Variants in LUZP2 observed in about 807,000 individuals in gnomAD.
The protein encoded by LUZP2 is leucine zipper protein 2.
In LUZP2, 52 loss-of-function variants were observed where a neutral mutation model predicts 51.6. The ratio of observed to expected loss-of-function variants is 1.01; its 90% CI spans 0.81 to 1.27. The LOEUF (loss-of-function observed/expected upper bound fraction) is 1.27. LUZP2 is among the 50% of genes most tolerant of loss of function. LUZP2 has a pLI of 0.00. For missense variants in LUZP2, 436 were observed against 395.4 expected, an observed-to-expected ratio of 1.10 and a Z score of -0.87; for synonymous variants, 154 against 137.3, an observed-to-expected ratio of 1.12 and a Z score of -0.85.
intron 1 of LUZP2, among the ~76,000 whole-genome samples, chr11:24,511,383 C>A (rs1029674741): frequency 6.6e-6 from 1 of 151,260 alleles, no homozygotes; most frequent in African/African-American, 2.4e-5. Flanking sequence ...TGGTGTCTGT[C>A]GCTACAATTT....
intron 1 of LUZP2, among the ~76,000 whole-genome samples, chr11:24,597,445 G>C (rs776078842): frequency 6.6e-6 from 1 of 152,126 alleles, no homozygotes; most frequent in African/African-American, 2.4e-5. Context: ...ACATTCAAAG[G>C]TTCAGTGTTT....
chr11:24,708,609 G>A (rs927235815), intron 1 of LUZP2, among the ~76,000 whole-genome samples: 2 of 152,042 alleles, frequency 1.3e-5, no homozygotes, highest in Non-Finnish European at 2.9e-5. Flanking sequence ...CTTCTTGTAG[G>A]CCTATAAGAA....
At chr11:25,002,422 G>A (rs1590822349) in intron 9 of LUZP2, among the ~76,000 whole-genome samples, 1 of 152,194 alleles carries the variant, frequency 6.6e-6, no homozygotes, top group South Asian at 2.1e-4. Flanking sequence ...TGGCAGGGTT[G>A]AGGGCCATTG....
chr11:24,725,326 T>C (rs1289271975), intron 1 of LUZP2, among the ~76,000 whole-genome samples: 1 of 152,076 alleles, frequency 6.6e-6, no homozygotes, highest in African/African-American at 2.4e-5. Context: ...CATATTAAAA[T>C]CAGCAGGGGA....
intron 7 of LUZP2, among the ~76,000 whole-genome samples, chr11:24,917,625 G>A (rs953364034): frequency 4.6e-5 from 7 of 152,036 alleles, no homozygotes; most frequent in Non-Finnish European, 8.8e-5. Context: ...TGTCAGGTTT[G>A]TCAAAGATCA....
At chr11:24,659,259 A>G (rs946034318) in intron 1 of LUZP2, among the ~76,000 whole-genome samples, 5 of 152,218 alleles carry the variant, frequency 3.3e-5, no homozygotes, top group Non-Finnish European at 7.3e-5. Flanking sequence ...TGATGAGTTC[A>G]TGTCCTTTGT....
intron 1 of LUZP2, among the ~76,000 whole-genome samples, chr11:24,640,205 G>A (rs541832888): frequency 9.9e-5 from 15 of 151,946 alleles, no homozygotes; most frequent in Admixed American, 4.6e-4. Context: ...GGTGTTTTTC[G>A]AAAGTAAATG....
At chr11:24,702,365 G>A (rs1219995910) in intron 1 of LUZP2, among the ~76,000 whole-genome samples, 1 of 151,824 alleles carries the variant, frequency 6.6e-6, no homozygotes, top group East Asian at 1.9e-4. Flanking sequence ...TCTCAATTAT[G>A]GAAGAAGAAA....
chr11:24,587,940 T>C lies in LUZP2; in HGVS notation c.62+90635T>C, dbSNP rs560685249. ...TTCATTTTATTTTCCTTTTAGAAAATGGGGAGAGATCATCCAGTAGAGATG... is the reference window on the plus strand; with the variant it reads ...TTCATTTTATTTTCCTTTTAGAAAACGGGGAGAGATCATCCAGTAGAGATG... On this transcript the variant is annotated intron_variant, in intron 1 of 11. Transcript: ENST00000336930. Among the ~76,000 whole-genome samples, 7 of 152,184 alleles carry C rather than the reference T, an allele frequency of 4.6e-5. No homozygotes were observed. In the South Asian group the frequency reaches 1.0e-3, roughly 23 times the overall value.
At chr11:24,770,731 A>G (rs1860377761) in intron 5 of LUZP2, among the ~76,000 whole-genome samples, 1 of 152,220 alleles carries the variant, frequency 6.6e-6, no homozygotes, top group Non-Finnish European at 1.5e-5. Context: ...AGCAGTTACT[A>G]TTCTTGGTTA....
chr11:24,807,134 C>A (rs1458712725), intron 5 of LUZP2, among the ~76,000 whole-genome samples: 1 of 151,804 alleles, frequency 6.6e-6, no homozygotes, highest in Non-Finnish European at 1.5e-5. Flanking sequence ...CTTCCTTACC[C>A]ATTGTAAGGA....
chr11:24,750,684 G>C (rs1314762439), intron 4 of LUZP2, among the ~76,000 whole-genome samples: 1 of 152,080 alleles, frequency 6.6e-6, no homozygotes, highest in East Asian at 1.9e-4. Context: ...ATGAGTAGAA[G>C]TTAAAAATAT....
intron 1 of LUZP2, among the ~76,000 whole-genome samples, chr11:24,505,694 A>G (rs1486972531): frequency 6.6e-6 from 1 of 152,166 alleles, no homozygotes; most frequent in Non-Finnish European, 1.5e-5. Flanking sequence ...CTAAAAAAAC[A>G]AATAAAATGG....
At position 25,078,569 on chromosome 11, in the gene LUZP2, C is replaced by G. The variant is rs758064203; in HGVS notation, c.952C>G (p.Pro318Ala). The change falls in exon 12 of 12, where the codon CCT becomes GCT. Residue 318 changes from proline to alanine, a missense_variant. Pro to Ala is a conservative substitution (Grantham distance 27, BLOSUM62 -1). Coordinates refer to ENST00000336930, the MANE Select transcript of LUZP2 (RefSeq NM_001009909.4). ...EPIPQKLQMP[P>A]CSECEVKKAP... Reference sequence around the variant, plus strand: ...TGTTTAACAGAAATTGCAAATGCCTCCTTGCTCTGAATGTGAGGTGAAAAA... The same window carrying G: ...TGTTTAACAGAAATTGCAAATGCCTGCTTGCTCTGAATGTGAGGTGAAAAA... The G allele has an allele frequency of 1.9e-6, 3 of 1,612,440 alleles. No individual in the cohort carries two copies. Among genetic ancestry groups the G allele is most frequent in the South Asian group, 2.2e-5 (2 of 90,688 alleles).
intron 1 of LUZP2, among the ~76,000 whole-genome samples, chr11:24,690,063 A>C (rs951934861): frequency 1.3e-5 from 2 of 152,168 alleles, no homozygotes; most frequent in South Asian, 2.1e-4. Context: ...TGGGAGGAAT[A>C]GATTAGATGA....
intron 1 of LUZP2, among the ~76,000 whole-genome samples, chr11:24,618,712 T>C (rs2133901295): frequency 6.6e-6 from 1 of 152,316 alleles, no homozygotes; most frequent in East Asian, 1.9e-4. Context: ...TCGGTCTGCT[T>C]TCCTCCCTTC....
intron 5 of LUZP2, chr11:24,786,698 T>TGTATATTATGTATTTATATATAAATAG (rs57998174): frequency 0.72 from 93,793 of 130,896 alleles, 31,688 homozygotes; most frequent in Non-Finnish European, 0.73. Context: ...TATATAAATA[T>TGTATATTATGTATTTATATATAAATAG]GTATATTATG....
intron 1 of LUZP2, among the ~76,000 whole-genome samples, chr11:24,659,821 T>C (rs1406065752): frequency 6.6e-6 from 1 of 152,166 alleles, no homozygotes; most frequent in African/African-American, 2.4e-5. Flanking sequence ...CCAAGAGTCC[T>C]GCACCCTGAT....
At chr11:24,498,418 A>G (rs1362531155) in intron 1 of LUZP2, among the ~76,000 whole-genome samples, 1 of 152,216 alleles carries the variant, frequency 6.6e-6, no homozygotes, top group Non-Finnish European at 1.5e-5. Context: ...CCTAATCTAC[A>G]CACCTTCTTT....
Sources: gnomAD v4.1 joint callset for allele counts (sites outside exome capture counted in the v4.1 genomes callset) on GRCh38, gnomAD v4.1.1 for gene constraint, MANE v1.5 for transcripts, NCBI Gene and HGNC (gene_info 2026-07-23, HGNC 2026-07-21) for gene names.